Variants in CDC42BPB observed in about 807,000 individuals in gnomAD.
The protein encoded by CDC42BPB is serine/threonine-protein kinase MRCK beta.
In CDC42BPB, 37 loss-of-function variants were observed where a neutral mutation model predicts 214.9. The observed-to-expected ratio is 0.17, with a 90% CI of 0.13 to 0.23. The LOEUF (loss-of-function observed/expected upper bound fraction) is 0.23, where lower values mean the gene tolerates loss of function less well. CDC42BPB is among the 10% of genes least tolerant of loss of function. CDC42BPB has a pLI of 1.00. For missense variants in CDC42BPB, 1,694 were observed against 2,227.0 expected (o/e 0.76, Z 4.82); for synonymous variants, 931 against 884.0 (o/e 1.05, Z -0.94).
rs1203790110 is a variant in CDC42BPB at position 102,945,704 on chromosome 14, C to T, written c.3769G>A (p.Gly1257Ser). The change falls in exon 29 of 37, where the codon GGC (glycine) becomes AGC (serine). Residue 1257 changes from glycine to serine, a missense_variant. Physicochemically the swap from Gly to Ser is moderately conservative, Grantham distance 56 (BLOSUM62 0). This residue lies in a region of CDC42BPB where 567 missense variants were observed against 790.3 expected (regional missense o/e 0.72). Transcript: ENST00000361246. ...AIVDADRIAV[G>S]LEEGLYVIEV... ...ATGACATAGAGCCCTTCTTCTAGGC[C>T]GACTGCAATCCTGTCTGCATCTGTG... is the stretch of plus-strand genomic sequence containing the variant. 1.2e-6 allele frequency: 2 copies of T among 1,612,892 alleles called. No homozygotes were observed. The highest frequency in any genetic ancestry group is 1.7e-6 in the Non-Finnish European group (2 of 1,179,888).
rs902474876 is a variant in CDC42BPB at position 102,933,191 on chromosome 14, G to C, written c.*521C>G. On this transcript the variant is annotated 3_prime_UTR_variant, in exon 37 of 37. Transcript: ENST00000361246. ...GTCAGCAGGACTTCTGCAGCTGACTGTGCAATGGCTAAATGAAAAAAAGGC... is the reference window on the plus strand; with the variant it reads ...GTCAGCAGGACTTCTGCAGCTGACTCTGCAATGGCTAAATGAAAAAAAGGC... The C allele has an allele frequency of 3.3e-5, 5 of 152,524 alleles. No homozygotes were observed. The highest frequency in any genetic ancestry group is 9.7e-5 in the African/African-American group (4 of 41,422). The allele number at this position is 152,524 out of a possible 1,614,324, so 9.4% of individuals were successfully genotyped here.
At chr14:103,037,859 C>T (rs1453596988) in intron 1 of CDC42BPB, among the ~76,000 whole-genome samples, 1 of 150,528 alleles carries the variant, frequency 6.6e-6, no homozygotes, top group Non-Finnish European at 1.5e-5. Context: ...TGAAACGCGT[C>T]TCTACTAAAA....
intron 6 of CDC42BPB, chr14:102,986,283 A>G: frequency 2.0e-6 from 1 of 512,686 alleles, no homozygotes; most frequent in East Asian, 3.3e-5. Context: ...TTGTAAACAT[A>G]AAAAGCAATA....
At chr14:102,934,553 A>C (rs370592979) in intron 36 of CDC42BPB, among the ~76,000 whole-genome samples, 2 of 152,022 alleles carry the variant, frequency 1.3e-5, no homozygotes, top group Non-Finnish European at 2.9e-5. Context: ...CAAAACAAAA[A>C]AAACAAAAAT....
rs1252288053 is a variant in CDC42BPB, at chr14:103,049,101, G to A, written c.175+7898C>T. ...AGAGCAAGGGGTGAATGTGTTTCAG[G>A]CAGTGGAGGGACAATGTAGAACAGT... is the stretch of plus-strand genomic sequence containing the variant. On this transcript the variant is annotated intron_variant, in intron 1 of 36. Transcript: ENST00000361246. Among the ~76,000 whole-genome samples, 7 of 152,290 alleles carry A rather than the reference G, an allele frequency of 4.6e-5. No homozygotes were observed. In the East Asian group the frequency reaches 9.6e-4, roughly 21 times the overall value.
chr14:102,938,618 A>G (rs1891748264), intron 34 of CDC42BPB: 2 of 931,776 alleles, frequency 2.1e-6, no homozygotes, highest in Non-Finnish European at 2.6e-6. Flanking sequence ...AAATCCTATA[A>G]AAAGCGTACT....
Position 102,977,648 on chromosome 14 carries a change from T to A in CDC42BPB, c.1220+478A>T, listed in dbSNP as rs187337043. Among the ~76,000 whole-genome samples the A allele has an allele frequency of 3.6e-3, 553 of 152,226 alleles. 2 individuals carry two copies. The highest frequency in any genetic ancestry group is 0.01 in the Middle Eastern group (3 of 294). On this transcript the variant is annotated intron_variant, in intron 9 of 36. Transcript: ENST00000361246. Reference sequence around the variant, plus strand: ...TGATGGAAGCCAGCTCTCAGCTGAGTGCGCATGGCAACTGCTCTGCTTGCT... The same window carrying A: ...TGATGGAAGCCAGCTCTCAGCTGAGAGCGCATGGCAACTGCTCTGCTTGCT...
At chr14:102,937,993 T>G in intron 36 of CDC42BPB, 111 bp downstream of exon 36, 2 of 1,118,282 alleles carry the variant, frequency 1.8e-6, no homozygotes, top group Non-Finnish European at 2.7e-6. Context: ...ACACCGCAAG[T>G]GGGGTGCTCC....
At chr14:103,036,875 G>A (rs905423214) in intron 1 of CDC42BPB, among the ~76,000 whole-genome samples, 3 of 152,170 alleles carry the variant, frequency 2.0e-5, no homozygotes, top group African/African-American at 7.2e-5. Flanking sequence ...GCAGTACAGT[G>A]GCACAATCAT....
intron 4 of CDC42BPB, among the ~76,000 whole-genome samples, chr14:103,002,678 G>A (rs1895043003): frequency 6.6e-6 from 1 of 152,130 alleles, no homozygotes; most frequent in Non-Finnish European, 1.5e-5. Context: ...GGCTGGGGCT[G>A]GGTCTTGGTC....
intron 24 of CDC42BPB, among the ~76,000 whole-genome samples, chr14:102,951,032 CA>C (rs1892467416): frequency 6.6e-6 from 1 of 152,144 alleles, no homozygotes; most frequent in Non-Finnish European, 1.5e-5. Context: ...TCCAGACACC[CA>C]AAAAGGTAAG....
intron 17 of CDC42BPB, among the ~76,000 whole-genome samples, chr14:102,966,787 C>T (rs1305975530): frequency 1.3e-5 from 2 of 152,228 alleles, no homozygotes; most frequent in Non-Finnish European, 2.9e-5. Flanking sequence ...CTCTGCCTCC[C>T]CTGTCTCTGA....
At chr14:103,051,989 G>A (rs950777902) in intron 1 of CDC42BPB, among the ~76,000 whole-genome samples, 32 of 152,090 alleles carry the variant, frequency 2.1e-4, no homozygotes, top group Non-Finnish European at 3.1e-4. Flanking sequence ...GGGACTATGC[G>A]TGCCACCACA....
In CDC42BPB at chr14:102,975,872, G is replaced by A. The variant is rs35953480; in HGVS notation, c.1387+11C>T. 63,832 of 1,614,002 alleles carry A rather than the reference G, an allele frequency of 0.04. 1,692 individuals carry two copies. Among genetic ancestry groups the A allele is most frequent in the Admixed American group, 0.11 (6,692 of 60,016 alleles). ...GCCCCCGCCTGGCCCCGGAGCCGGC[G>A]CTGCCCTCACCTTGCAGCTTCCTGC... On this transcript the variant is annotated intron_variant, in intron 10 of 36. Transcript: ENST00000361246.
At chr14:103,015,553 C>T (rs1303410544) in intron 1 of CDC42BPB, among the ~76,000 whole-genome samples, 20 of 152,220 alleles carry the variant, frequency 1.3e-4, no homozygotes, top group Non-Finnish European at 2.9e-4. Flanking sequence ...AGCCGCATCA[C>T]AGTAGCAGAG....
chr14:102,949,869 C>T lies in CDC42BPB; in HGVS notation c.3345G>A (p.Gln1115=), dbSNP rs376126539. 7.4e-6 allele frequency: 12 copies of T among 1,613,672 alleles called. No individual in the cohort carries two copies. In the African/African-American group the frequency reaches 1.1e-4, roughly 14 times the overall value. ...AGTCACAGACGACTGCATATGCGCGCTGCCATCCCTTCTTCACCCCCGTGG... is the reference window on the plus strand; with the variant it reads ...AGTCACAGACGACTGCATATGCGCGTTGCCATCCCTTCTTCACCCCCGTGG... The part of the protein sequence containing the change: ...PKPTGVKKGW[Q]RAYAVVCDCK... The change falls in exon 26 of 37, where the codon CAG becomes CAA. Residue 1115 remains glutamine (Q), a synonymous_variant. Transcript: ENST00000361246.
chr14:103,015,379 C>T (rs1454547782), intron 1 of CDC42BPB, among the ~76,000 whole-genome samples: 1 of 152,096 alleles, frequency 6.6e-6, no homozygotes, highest in Non-Finnish European at 1.5e-5. Flanking sequence ...CCCAGCTACT[C>T]AGGAGGCTGA....
At chr14:102,961,098 T>C (rs1434347888) in intron 20 of CDC42BPB, among the ~76,000 whole-genome samples, 1 of 152,018 alleles carries the variant, frequency 6.6e-6, no homozygotes, top group African/African-American at 2.4e-5. Context: ...GCCCAGAAAG[T>C]TGAGGCTGCA....
At chr14:103,032,867 T>A (rs1026809470) in intron 1 of CDC42BPB, among the ~76,000 whole-genome samples, 1 of 150,022 alleles carries the variant, frequency 6.7e-6, no homozygotes, top group Admixed American at 6.7e-5. Context: ...TCCACCTGCC[T>A]CAGCCTCCCA....
Sources: gnomAD v4.1 joint callset for allele counts (sites outside exome capture counted in the v4.1 genomes callset) on GRCh38, gnomAD v4.1.1 for gene constraint, gnomAD v4.1.1 regional missense constraint, MANE v1.5 for transcripts, NCBI Gene and HGNC (gene_info 2026-07-23, HGNC 2026-07-21) for gene names.